DDB2: variants seen among roughly 807,000 people sequenced by gnomAD.
The protein encoded by DDB2 is damage specific DNA binding protein 2, also known as DNA damage-binding protein 2.
A neutral mutation model predicts 50.5 loss-of-function variants in DDB2; 27 were observed. That is an observed-to-expected ratio of 0.53 (90% CI 0.39 to 0.74). The LOEUF is 0.74. Ranked by LOEUF, DDB2 falls within the 30% of genes least tolerant of loss-of-function variation. DDB2 has a pLI of 0.00. For synonymous variants in DDB2, 176 were observed against 205.5 expected (o/e 0.86, Z 1.23); for missense variants, 424 against 545.6 (o/e 0.78, Z 2.22).
chr11:47,225,655 A>G (rs969016051), intron 3 of DDB2, among the ~76,000 whole-genome samples: 4 of 152,070 alleles, frequency 2.6e-5, no homozygotes, highest in South Asian at 2.1e-4. Context: ...AATCTTTACT[A>G]TTTTTAAGTG....
intron 3 of DDB2, among the ~76,000 whole-genome samples, chr11:47,228,977 A>AAAATATCTATCTATC (rs376107098): frequency 2.4e-5 from 3 of 124,660 alleles, no homozygotes; most frequent in South Asian, 2.7e-4. Flanking sequence ...AAAAAAAGAA[A>AAAATATCTATCTATC]TATCTATCTA....
chr11:47,214,789 C>T (rs2135482532), upstream of DDB2: 1 of 362,000 alleles, frequency 2.8e-6, no homozygotes, highest in Non-Finnish European at 5.3e-6. Context: ...AAAAAAAAAT[C>T]CATAAAGCCG....
intron 3 of DDB2, among the ~76,000 whole-genome samples, chr11:47,218,934 C>A (rs1484003038): frequency 6.6e-6 from 1 of 152,022 alleles, no homozygotes; most frequent in East Asian, 1.9e-4. Flanking sequence ...AAATGTATCA[C>A]CTTAACCATT....
chr11:47,214,925 C>G, upstream of DDB2: 2 of 661,486 alleles, frequency 3.0e-6, no homozygotes. Context: ...CCCCCGCCTT[C>G]CAGGAAGGGG....
chr11:47,233,711 A>C (rs1953682520), intron 4 of DDB2, among the ~76,000 whole-genome samples: 1 of 1,078 alleles, frequency 9.3e-4, no homozygotes, highest in Middle Eastern at 0.5. Context: ...ATCTATCTCA[A>C]AAAAAAAAAA....
At chr11:47,216,514 G>T (rs553748511) in intron 2 of DDB2, 42 bp downstream of exon 2, 2 of 1,611,634 alleles carry the variant, frequency 1.2e-6, no homozygotes, top group Admixed American at 3.3e-5. Flanking sequence ...GTTTACACGT[G>T]CATTTTTACT....
intron 3 of DDB2, among the ~76,000 whole-genome samples, chr11:47,227,367 A>G (rs933539379): frequency 1.3e-5 from 2 of 152,012 alleles, no homozygotes; most frequent in African/African-American, 4.8e-5. Context: ...TCGGCCTCCC[A>G]AAGTGCTGGG....
At chr11:47,232,245 G>C (rs980844389) in intron 3 of DDB2, among the ~76,000 whole-genome samples, 5 of 152,062 alleles carry the variant, frequency 3.3e-5, no homozygotes, top group African/African-American at 1.2e-4. Flanking sequence ...TTGGGAGGCT[G>C]AGGCAGGAGA....
rs199965459 is a variant in DDB2, at chr11:47,215,268, T to G, written c.127+5T>G. ...AGCTCTGTGCGAAGGGCTCCGGTAC[T>G]GCCTGTGCCTGCTGCTTGAATATTT... On this transcript the variant is annotated splice_donor_5th_base_variant and intron_variant, in intron 1 of 9. Transcript: ENST00000256996. The G allele has an allele frequency of 1.8e-3, 2,866 of 1,613,918 alleles. 4 individuals are homozygous for G. Among genetic ancestry groups the G allele is most frequent in the Non-Finnish European group, 1.9e-3 (2,211 of 1,179,996 alleles).
At chr11:47,222,805 G>A (rs1293564999) in intron 3 of DDB2, among the ~76,000 whole-genome samples, 1 of 152,238 alleles carries the variant, frequency 6.6e-6, no homozygotes, top group Non-Finnish European at 1.5e-5. Context: ...ATACTTAGCA[G>A]TGGAATGGCT....
chr11:47,230,478 T>G (rs1201973426), intron 3 of DDB2, among the ~76,000 whole-genome samples: 1 of 152,202 alleles, frequency 6.6e-6, no homozygotes, highest in African/African-American at 2.4e-5. Flanking sequence ...TTAATTAAAT[T>G]TGGTGTTAAT....
intron 1 of DDB2, 46 bp downstream of exon 1, chr11:47,215,309 C>T (rs1240764861): frequency 6.2e-7 from 1 of 1,612,472 alleles, no homozygotes; most frequent in South Asian, 1.1e-5. Flanking sequence ...TTTTAGGGTG[C>T]TCGCGCAGGA....
At chr11:47,228,681 C>T (rs1953595503) in intron 3 of DDB2, among the ~76,000 whole-genome samples, 1 of 148,410 alleles carries the variant, frequency 6.7e-6, no homozygotes, top group Non-Finnish European at 1.5e-5. Flanking sequence ...ATCAATATCT[C>T]TTCCTCAGCC....
chr11:47,222,538 G>A (rs889762962), intron 3 of DDB2, among the ~76,000 whole-genome samples: 4 of 152,124 alleles, frequency 2.6e-5, no homozygotes, highest in African/African-American at 9.7e-5. Context: ...AGAGACAGAG[G>A]TCTCACTGTG....
At chr11:47,224,757 T>A (rs907519696) in intron 3 of DDB2, among the ~76,000 whole-genome samples, 7 of 145,578 alleles carry the variant, frequency 4.8e-5, no homozygotes, top group Non-Finnish European at 1.1e-4. Context: ...CTCCCTTCGT[T>A]CCTTTCTCTC....
chr11:47,229,048 C>T (rs1472092369), intron 3 of DDB2, among the ~76,000 whole-genome samples: 1 of 140,704 alleles, frequency 7.1e-6, no homozygotes, highest in African/African-American at 2.5e-5. Flanking sequence ...TTCTTTTTCC[C>T]TTCCTGAACA....
intron 3 of DDB2, among the ~76,000 whole-genome samples, chr11:47,217,996 A>G (rs1953426134): frequency 6.6e-6 from 1 of 152,038 alleles, no homozygotes. Flanking sequence ...TATTCCTGAA[A>G]CCGGGTCTCT....
chr11:47,237,597 A>G, intron 7 of DDB2: 1 of 416,500 alleles, frequency 2.4e-6, no homozygotes, highest in East Asian at 5.0e-5. Flanking sequence ...CGCCCAGCTA[A>G]TTTTTTTTTT....
chr11:47,231,119 C>CAAAA lies in DDB2; in HGVS notation c.457-1673_457-1670dup, dbSNP rs139290057. ...TGGGCGACAGAGCAAGCCTTCATCTCAAAAAAAAAAAAAAAAAAAAAAAAA... is the reference window on the plus strand; with the variant it reads ...TGGGCGACAGAGCAAGCCTTCATCTCAAAAAAAAAAAAAAAAAAAAAAAAAAAAA... On this transcript the variant is annotated intron_variant, in intron 3 of 9. Transcript: ENST00000256996. 1.8e-3 allele frequency among the ~76,000 whole-genome samples: 106 copies of CAAAA among 58,210 alleles called. 1 individual carries two copies. Among genetic ancestry groups the CAAAA allele is most frequent in the Non-Finnish European group, 2.2e-3 (69 of 31,918 alleles). The allele number at this position is 58,210 out of a possible 152,430, so 38.2% of individuals were successfully genotyped here. A position where few individuals can be genotyped will look rare whatever the true frequency, so the allele number is the denominator to read the frequency against.
Sources: allele counts gnomAD v4.1 joint callset (sites outside exome capture counted in the v4.1 genomes callset), GRCh38; gene constraint gnomAD v4.1.1; transcripts MANE v1.5; gene names NCBI Gene and HGNC (gene_info 2026-07-23, HGNC 2026-07-21).